SAMD12: variants seen among roughly 807,000 people sequenced by gnomAD.
SAMD12 encodes sterile alpha motif domain-containing protein 12.
Under a neutral mutation model 15.0 loss-of-function variants are expected in SAMD12, and 9 were observed. The observed-to-expected ratio is 0.60, with a 90% CI of 0.36 to 1.05. The LOEUF is 1.05. SAMD12 is among the 50% of genes least tolerant of loss of function. SAMD12 has a pLI of 0.01. For missense variants in SAMD12, 230 were observed against 234.2 expected (o/e 0.98, Z 0.12); for synonymous variants, 86 against 90.1 (o/e 0.96, Z 0.25).
intron 4 of SAMD12, among the ~76,000 whole-genome samples, chr8:118,281,888 A>G (rs1318121096): frequency 6.6e-6 from 1 of 152,192 alleles, no homozygotes; most frequent in Non-Finnish European, 1.5e-5. Flanking sequence ...CCAGTGGGTC[A>G]TTTCAAACTC....
At chr8:118,203,875 T>C (rs1819784527) in intron 4 of SAMD12, among the ~76,000 whole-genome samples, 1 of 151,884 alleles carries the variant, frequency 6.6e-6, no homozygotes, top group South Asian at 2.1e-4. Context: ...AATAATAGTT[T>C]CCAGCTTCAT....
At chr8:118,451,556 A>G (rs543188252) in intron 2 of SAMD12, among the ~76,000 whole-genome samples, 6 of 140,396 alleles carry the variant, frequency 4.3e-5, no homozygotes, top group African/African-American at 1.9e-4. Context: ...GATCAAATCA[A>G]ATAATCAAAA....
chr8:118,423,303 A>G (rs1822092833), intron 3 of SAMD12, among the ~76,000 whole-genome samples: 1 of 152,120 alleles, frequency 6.6e-6, no homozygotes, highest in African/African-American at 2.4e-5. Flanking sequence ...TAGATACCCA[A>G]ATGTCTTCGG....
intron 2 of SAMD12, among the ~76,000 whole-genome samples, chr8:118,496,845 T>C (rs537036120): frequency 2.1e-4 from 32 of 151,238 alleles, no homozygotes; most frequent in African/African-American, 7.0e-4. Context: ...CCAGAGTTTA[T>C]AAGGAACTTA....
chr8:118,146,947 G>A, the SAMD12 span, among the ~76,000 whole-genome samples: 57 of 152,196 alleles, frequency 3.7e-4, no homozygotes, highest in African/African-American at 1.2e-3. Context: ...ACTCTAATTG[G>A]TGATTGCCAT....
At chr8:118,435,152 A>ACAG (rs1822543831) in intron 3 of SAMD12, among the ~76,000 whole-genome samples, 1 of 152,086 alleles carries the variant, frequency 6.6e-6, no homozygotes, top group African/African-American at 2.4e-5. Flanking sequence ...TGCTATTAGC[A>ACAG]CAGCAGCAGC....
the SAMD12 span, among the ~76,000 whole-genome samples, chr8:118,183,641 G>A: frequency 1.3e-5 from 2 of 152,072 alleles, no homozygotes; most frequent in African/African-American, 2.4e-5. Flanking sequence ...ATTTCTTTAT[G>A]TGTGAAATGG....
chr8:118,607,400 T>A (rs952555690), intron 1 of SAMD12, among the ~76,000 whole-genome samples: 5 of 152,062 alleles, frequency 3.3e-5, no homozygotes, highest in African/African-American at 1.2e-4. Flanking sequence ...GACGCCCAGC[T>A]AATTTTTGTA....
chr8:118,264,350 T>C (rs1184418306), intron 4 of SAMD12, among the ~76,000 whole-genome samples: 1 of 152,160 alleles, frequency 6.6e-6, no homozygotes, highest in Non-Finnish European at 1.5e-5. Flanking sequence ...AATGTTCTCA[T>C]ATTCCACTTT....
chr8:118,164,573 T>C, the SAMD12 span, among the ~76,000 whole-genome samples: 1 of 152,294 alleles, frequency 6.6e-6, no homozygotes, highest in East Asian at 1.9e-4. Flanking sequence ...TATTTTTTGC[T>C]ATTAGTAGGT....
At chr8:118,423,301 C>CA (rs776003850) in intron 3 of SAMD12, among the ~76,000 whole-genome samples, 32 of 152,206 alleles carry the variant, frequency 2.1e-4, no homozygotes, top group Admixed American at 7.2e-4. Flanking sequence ...TATAGATACC[C>CA]AAATGTCTTC....
At chr8:118,262,447 T>C (rs184044312) in intron 4 of SAMD12, among the ~76,000 whole-genome samples, 1 of 152,126 alleles carries the variant, frequency 6.6e-6, no homozygotes, top group Non-Finnish European at 1.5e-5. Context: ...CCATGCTAAC[T>C]TGACTGTCTC....
At chr8:118,368,919 A>T (rs1331963395) in intron 4 of SAMD12, among the ~76,000 whole-genome samples, 2 of 152,150 alleles carry the variant, frequency 1.3e-5, no homozygotes, top group African/African-American at 2.4e-5. Context: ...TAACATTTTT[A>T]TCCCTTAAAA....
intron 2 of SAMD12, among the ~76,000 whole-genome samples, chr8:118,545,376 A>G (rs1368129254): frequency 6.6e-6 from 1 of 152,182 alleles, no homozygotes; most frequent in African/African-American, 2.4e-5. Context: ...CTGAGGCAGG[A>G]GAATCGCTTG....
intron 4 of SAMD12, among the ~76,000 whole-genome samples, chr8:118,207,344 C>T (rs1188582395): frequency 6.6e-6 from 1 of 151,608 alleles, no homozygotes; most frequent in African/African-American, 2.4e-5. Flanking sequence ...TGCATTTGTA[C>T]AGCCAATTAG....
chr8:118,431,137 G>A (rs1447753866), intron 3 of SAMD12, among the ~76,000 whole-genome samples: 1 of 152,000 alleles, frequency 6.6e-6, no homozygotes, highest in Non-Finnish European at 1.5e-5. Flanking sequence ...TTCTTCACAT[G>A]TATTGCAGGT....
chr8:118,376,491 C>T (rs772132407), downstream of SAMD12, among the ~76,000 whole-genome samples: 114 of 152,162 alleles, frequency 7.5e-4, 1 homozygote, highest in Admixed American at 2.2e-3. Flanking sequence ...TCATCAGACA[C>T]TGAATCTGCT....
chr8:118,574,703 T>C (rs769805360), intron 2 of SAMD12, among the ~76,000 whole-genome samples: 12 of 152,228 alleles, frequency 7.9e-5, no homozygotes, highest in Non-Finnish European at 1.6e-4. Flanking sequence ...ATACATGTAC[T>C]GGGGTCCTGG....
the SAMD12 span, among the ~76,000 whole-genome samples, chr8:118,159,966 C>T: frequency 6.6e-6 from 1 of 152,008 alleles, no homozygotes; most frequent in Non-Finnish European, 1.5e-5. Flanking sequence ...GTGATCTGCC[C>T]GCCTCAGCCT....
Sources: allele counts gnomAD v4.1 joint callset (sites outside exome capture counted in the v4.1 genomes callset), GRCh38; gene constraint gnomAD v4.1.1; transcripts MANE v1.5; gene names NCBI Gene and HGNC (gene_info 2026-07-23, HGNC 2026-07-21).